Variants in ZDHHC21 observed in about 807,000 individuals in gnomAD.
ZDHHC21 encodes zDHHC palmitoyltransferase 21.
In ZDHHC21, 15 loss-of-function variants were observed where a neutral mutation model predicts 34.6. That is an observed-to-expected ratio of 0.43 (90% CI 0.29 to 0.67). ZDHHC21 has a LOEUF of 0.67. Among genes scored for constraint, ZDHHC21 ranks in the 30% least tolerant of loss-of-function variants. The probability of loss-of-function intolerance (pLI) is 0.14; values close to 1 mark genes in which losing one functional copy is unlikely to be tolerated. For synonymous variants in ZDHHC21, 142 were observed against 101.8 expected, an observed-to-expected ratio of 1.40 and a Z score of -2.38; for missense variants, 344 against 327.7, an observed-to-expected ratio of 1.05 and a Z score of -0.38.
At chr9:14,641,716 T>C (rs1156866974) in intron 7 of ZDHHC21, among the ~76,000 whole-genome samples, 1 of 152,230 alleles carries the variant, frequency 6.6e-6, no homozygotes, top group African/African-American at 2.4e-5. Flanking sequence ...ATAATTCACA[T>C]TCTGCAACCC....
At chr9:14,672,688 T>G in intron 5 of ZDHHC21, 142 bp downstream of exon 5, 1 of 554,034 alleles carries the variant, frequency 1.8e-6, no homozygotes. Context: ...AGTAGAGAAG[T>G]TTGGAAAAGA....
downstream of ZDHHC21, among the ~76,000 whole-genome samples, chr9:14,609,527 C>T (rs1199495362): frequency 6.6e-6 from 1 of 152,090 alleles, no homozygotes; most frequent in African/African-American, 2.4e-5. Flanking sequence ...AATTAGAATT[C>T]TGAAAAATGT....
At chr9:14,602,700 G>A in the ZDHHC21 span, among the ~76,000 whole-genome samples, 1 of 152,010 alleles carries the variant, frequency 6.6e-6, no homozygotes, top group African/African-American at 2.4e-5. Context: ...TTGCTGAAAC[G>A]AAAAGAAACA....
At chr9:14,688,292 G>A (rs572433823) in intron 2 of ZDHHC21, among the ~76,000 whole-genome samples, 10 of 150,872 alleles carry the variant, frequency 6.6e-5, no homozygotes, top group Admixed American at 4.6e-4. Flanking sequence ...GCAAAGCAGC[G>A]CCTCCAAAAT....
intron 7 of ZDHHC21, among the ~76,000 whole-genome samples, chr9:14,645,646 G>C (rs190199672): frequency 6.4e-4 from 97 of 152,146 alleles, no homozygotes; most frequent in African/African-American, 2.1e-3. Flanking sequence ...ATGCCATTAA[G>C]AGAGTGAAAA....
chr9:14,600,360 T>C, the ZDHHC21 span, among the ~76,000 whole-genome samples: 2 of 151,936 alleles, frequency 1.3e-5, no homozygotes, highest in Non-Finnish European at 2.9e-5. Context: ...TACCCACCAA[T>C]AGCAGACAGA....
intron 7 of ZDHHC21, 88 bp from the exon 8 acceptor site, chr9:14,640,100 A>C (rs552551352): frequency 2.0e-5 from 13 of 643,924 alleles, no homozygotes; most frequent in African/African-American, 1.8e-4. Flanking sequence ...GAGCCATAAC[A>C]CATCTTCCTT....
intron 2 of ZDHHC21, among the ~76,000 whole-genome samples, chr9:14,686,261 C>T (rs1400152751): frequency 2.0e-5 from 3 of 150,474 alleles, no homozygotes; most frequent in African/African-American, 7.3e-5. Flanking sequence ...AGAGAAGGGG[C>T]AGATCTGGGA....
intron 1 of ZDHHC21, among the ~76,000 whole-genome samples, chr9:14,690,808 T>A (rs935856902): frequency 5.3e-5 from 8 of 152,202 alleles, no homozygotes; most frequent in African/African-American, 1.9e-4. Context: ...TCTTAACAAA[T>A]CACTTTCAAC....
intron 3 of ZDHHC21, among the ~76,000 whole-genome samples, chr9:14,676,439 C>G (rs2131559623): frequency 6.6e-6 from 1 of 151,946 alleles, no homozygotes; most frequent in South Asian, 2.1e-4. Context: ...TTAAGGAATA[C>G]TTGATTTTAA....
the ZDHHC21 span, among the ~76,000 whole-genome samples, chr9:14,592,629 G>C: frequency 2.0e-5 from 3 of 152,130 alleles, no homozygotes; most frequent in East Asian, 5.8e-4. Context: ...AAAGCAGTGA[G>C]GATATAAAAG....
At chr9:14,640,241 T>C (rs547239867) in intron 7 of ZDHHC21, among the ~76,000 whole-genome samples, 1 of 149,428 alleles carries the variant, frequency 6.7e-6, no homozygotes, top group South Asian at 2.1e-4. Flanking sequence ...TTTACTACTC[T>C]ACTGCATCAA....
At chr9:14,599,378 G>A in the ZDHHC21 span, among the ~76,000 whole-genome samples, 1 of 152,162 alleles carries the variant, frequency 6.6e-6, no homozygotes, top group Non-Finnish European at 1.5e-5. Context: ...AAGGGAAGCT[G>A]TGAGGGACTG....
chr9:14,674,876 G>C (rs1460374499), intron 3 of ZDHHC21, among the ~76,000 whole-genome samples: 4 of 151,908 alleles, frequency 2.6e-5, no homozygotes, highest in Admixed American at 2.6e-4. Flanking sequence ...AGAGAACGAG[G>C]GGTTGGGAAA....
chr9:14,681,041 T>C, intron 2 of ZDHHC21, among the ~76,000 whole-genome samples: 1 of 152,116 alleles, frequency 6.6e-6, no homozygotes, highest in Non-Finnish European at 1.5e-5. Flanking sequence ...CTGAGTAAAC[T>C]GAAATAACAA....
At chr9:14,688,130 T>C (rs561737987) in intron 2 of ZDHHC21, among the ~76,000 whole-genome samples, 9 of 151,112 alleles carry the variant, frequency 6.0e-5, no homozygotes, top group East Asian at 3.9e-4. Context: ...AAATTAATCT[T>C]CTACAGATGT....
chr9:14,678,732 T>C (rs9298706), intron 3 of ZDHHC21, among the ~76,000 whole-genome samples: 38,521 of 151,984 alleles, frequency 0.25, 5,392 homozygotes, highest in East Asian at 0.37. Context: ...TACAGCACTT[T>C]CTGTAATCAC....
At chr9:14,645,420 C>T (rs982531339) in intron 7 of ZDHHC21, among the ~76,000 whole-genome samples, 3 of 151,900 alleles carry the variant, frequency 2.0e-5, no homozygotes, top group African/African-American at 4.8e-5. Context: ...AAACTGAAAC[C>T]CTGACTTCTA....
chr9:14,689,907 G>C (rs1838922215), intron 2 of ZDHHC21, among the ~76,000 whole-genome samples: 1 of 152,056 alleles, frequency 6.6e-6, no homozygotes, highest in African/African-American at 2.4e-5. Context: ...AGTAAAAATA[G>C]CTTGGGAGGT....
Sources: gnomAD v4.1 joint callset for allele counts (sites outside exome capture counted in the v4.1 genomes callset) on GRCh38, gnomAD v4.1.1 for gene constraint, MANE v1.5 for transcripts, NCBI Gene and HGNC (gene_info 2026-07-23, HGNC 2026-07-21) for gene names.